The following PCDH9 variants were observed in gnomAD, a reference collection of about 807,000 sequenced individuals.
The protein encoded by PCDH9 is protocadherin 9.
A neutral mutation model predicts 70.6 loss-of-function variants in PCDH9; 24 were observed. That is an observed-to-expected ratio of 0.34 (90% CI 0.25 to 0.48). The LOEUF is 0.48. PCDH9 is among the 20% of genes least tolerant of loss of function. The probability of loss-of-function intolerance (pLI) is 0.99; values close to 1 mark genes in which losing one functional copy is unlikely to be tolerated. For synonymous variants in PCDH9, 562 were observed against 558.5 expected, an observed-to-expected ratio of 1.01 and a Z score of -0.09; for missense variants, 1,281 against 1,503.6, an observed-to-expected ratio of 0.85 and a Z score of 2.45.
chr13:66,625,594 G>GT (rs548549450), intron 4 of PCDH9, among the ~76,000 whole-genome samples: 31 of 148,528 alleles, frequency 2.1e-4, no homozygotes, highest in East Asian at 5.9e-4. Context: ...TATATGTTGG[G>GT]TTTTTTTTTC....
In PCDH9 at chr13:67,228,155, T is replaced by C. The variant is rs2089927005; in HGVS notation, c.286A>G (p.Lys96Glu). 3 of 1,614,098 alleles carry C rather than the reference T, an allele frequency of 1.9e-6. No homozygotes were observed. The highest frequency in any genetic ancestry group is 2.5e-6 in the Non-Finnish European group (3 of 1,179,986). The change falls in exon 2 of 5, where the codon AAA becomes GAA. Residue 96 changes from lysine to glutamate, a missense_variant. Physicochemically the swap from Lys to Glu is moderately conservative, Grantham distance 56 (BLOSUM62 1). Transcript: ENST00000377865. Reference sequence around the variant, plus strand: ...GCATATGAGGCGCCAGCACAGAGTTTTTCTCTGTCTATTCTGTTGGAGGTT... The same window carrying C: ...GCATATGAGGCGCCAGCACAGAGTTCTTCTCTGTCTATTCTGTTGGAGGTT... ...FTTSNRIDREKLCAGASYAEE... is the reference protein window; with the variant it reads ...FTTSNRIDREELCAGASYAEE...
At chr13:66,906,584 C>T (rs1444242915) in intron 2 of PCDH9, among the ~76,000 whole-genome samples, 1 of 152,102 alleles carries the variant, frequency 6.6e-6, no homozygotes, top group Non-Finnish European at 1.5e-5. Flanking sequence ...AGATCTCACC[C>T]CCAAGCCTCT....
chr13:66,621,948 G>A lies in PCDH9; in HGVS notation c.3340+9262C>T, dbSNP rs374531432. Among the ~76,000 whole-genome samples the A allele has an allele frequency of 5.9e-5, 9 of 152,340 alleles. No homozygotes were observed. The South Asian group carries it at 1.0e-3, about 18-fold the overall frequency. ...CCTCAGCTTGCAGGGAGGTGTGGAG[G>A]AAGAAGCGCCAGCGGGAACCGGGGC... On this transcript the variant is annotated intron_variant, in intron 4 of 4. Coordinates refer to ENST00000377865, the MANE Select transcript of PCDH9 (RefSeq NM_203487.3).
chr13:66,488,986 T>G (rs1350764980), intron 4 of PCDH9, among the ~76,000 whole-genome samples: 2 of 152,118 alleles, frequency 1.3e-5, no homozygotes, highest in Non-Finnish European at 2.9e-5. Context: ...CTGAAATATG[T>G]GTTCGTATAC....
chr13:67,058,041 A>C (rs2085457078), intron 2 of PCDH9, among the ~76,000 whole-genome samples: 1 of 152,168 alleles, frequency 6.6e-6, no homozygotes, highest in African/African-American at 2.4e-5. Flanking sequence ...ATAGCTTTAT[A>C]AATTTACAAG....
intron 4 of PCDH9, among the ~76,000 whole-genome samples, chr13:66,546,070 C>T (rs1961184359): frequency 6.6e-6 from 1 of 151,750 alleles, no homozygotes; most frequent in African/African-American, 2.4e-5. Flanking sequence ...GATCTCCTGA[C>T]CTCATGATCC....
At chr13:66,738,387 G>A (rs1211417138) in intron 3 of PCDH9, among the ~76,000 whole-genome samples, 3 of 151,830 alleles carry the variant, frequency 2.0e-5, no homozygotes, top group African/African-American at 4.8e-5. Flanking sequence ...CCACAAAGAT[G>A]GGGAAAAAAC....
chr13:66,492,875 A>C (rs888230244), intron 4 of PCDH9, among the ~76,000 whole-genome samples: 1 of 152,202 alleles, frequency 6.6e-6, no homozygotes, highest in African/African-American at 2.4e-5. Flanking sequence ...AATTAGATAC[A>C]TTGTTACAAA....
At position 67,040,692 on chromosome 13, in the gene PCDH9, A is replaced by AT. The variant is rs547658714; in HGVS notation, c.3037-137088_3037-137087insA. ...TGAATATGACATTTAGGTTAAAAAA[A>AT]ATATATATTGAAATACAGAATGTGG... On this transcript the variant is annotated intron_variant, in intron 2 of 4. Transcript: ENST00000377865. 3.0e-3 allele frequency among the ~76,000 whole-genome samples: 463 copies of AT among 152,270 alleles called. 1 individual carries two copies. Among genetic ancestry groups the AT allele is most frequent in the Non-Finnish European group, 5.2e-3 (355 of 68,030 alleles).
At position 67,227,044 on chromosome 13, in the gene PCDH9, G is replaced by C. The variant is rs528894154; in HGVS notation, c.1397C>G (p.Pro466Arg). 6.2e-7 allele frequency: 1 copy of C among 1,613,978 alleles called. No homozygotes were observed. Among genetic ancestry groups the C allele is most frequent in the Non-Finnish European group, 8.5e-7 (1 of 1,179,982 alleles). The change falls in exon 2 of 5, where the codon CCA (proline) becomes CGA (arginine). Residue 466 changes from proline to arginine, a missense_variant. Pro to Arg is a moderately radical substitution (Grantham distance 103, BLOSUM62 -2). Transcript: ENST00000377865. This position sits in a 1 kb window ranked among gnomAD's most constrained non-coding sequence, Gnocchi z 4.6. ...AATTACAGGCTGGTTGAAAATTGGTGGGTTGTCATTTTCATCCTCAAGCTT... is the reference window on the plus strand; with the variant it reads ...AATTACAGGCTGGTTGAAAATTGGTCGGTTGTCATTTTCATCCTCAAGCTT... Reference protein sequence around the residue: ...RVKLEDENDNPPIFNQPVIEL... With the variant: ...RVKLEDENDNRPIFNQPVIEL...
intron 4 of PCDH9, among the ~76,000 whole-genome samples, chr13:66,603,703 T>C (rs1247449284): frequency 1.3e-5 from 2 of 152,036 alleles, no homozygotes; most frequent in Non-Finnish European, 2.9e-5. Context: ...TTTTAAAGTA[T>C]GGCATGTATC....
At chr13:66,362,712 A>G (rs1307791483) in intron 4 of PCDH9, among the ~76,000 whole-genome samples, 4 of 151,620 alleles carry the variant, frequency 2.6e-5, no homozygotes, top group Non-Finnish European at 4.4e-5. Context: ...CATTAAGGGT[A>G]TGTTTCTGTG....
At chr13:66,812,022 C>A (rs1046883869) in intron 3 of PCDH9, among the ~76,000 whole-genome samples, 3 of 152,014 alleles carry the variant, frequency 2.0e-5, no homozygotes, top group Non-Finnish European at 4.4e-5. Flanking sequence ...ACCCACCACC[C>A]AAACAGTAAA....
intron 2 of PCDH9, among the ~76,000 whole-genome samples, chr13:67,160,904 A>G (rs576821506): frequency 6.6e-6 from 1 of 152,346 alleles, no homozygotes; most frequent in East Asian, 1.9e-4. Flanking sequence ...GAATAGTCAA[A>G]CAACTTTCCT....
chr13:67,102,306 G>A (rs2086450530), intron 2 of PCDH9, among the ~76,000 whole-genome samples: 1 of 151,960 alleles, frequency 6.6e-6, no homozygotes, highest in African/African-American at 2.4e-5. Context: ...CTGTGTTTAT[G>A]GTCTTGCAAT....
chr13:66,653,498 A>G (rs1255710939), intron 3 of PCDH9, among the ~76,000 whole-genome samples: 1 of 152,154 alleles, frequency 6.6e-6, no homozygotes, highest in Non-Finnish European at 1.5e-5. Flanking sequence ...ATTTTTCCAA[A>G]AGACAGGCCA....
At chr13:66,959,280 T>A (rs546189494) in intron 2 of PCDH9, among the ~76,000 whole-genome samples, 1 of 152,296 alleles carries the variant, frequency 6.6e-6, no homozygotes, top group South Asian at 2.1e-4. Flanking sequence ...ATAAGGAAAG[T>A]GTGACTTTAA....
chr13:66,988,993 T>G (rs2083948140), intron 2 of PCDH9, among the ~76,000 whole-genome samples: 1 of 151,938 alleles, frequency 6.6e-6, no homozygotes, highest in South Asian at 2.1e-4. Context: ...GATATTCATG[T>G]TATAGATACT....
chr13:66,445,461 T>TAAAATATATACAC (rs1958056870), intron 4 of PCDH9, among the ~76,000 whole-genome samples: 74 of 142,820 alleles, frequency 5.2e-4, no homozygotes, highest in African/African-American at 1.7e-3. Context: ...TATATACACA[T>TAAAATATATACAC]ATATATAATA....
Sources: allele counts gnomAD v4.1 joint callset (sites outside exome capture counted in the v4.1 genomes callset), GRCh38; gene constraint gnomAD v4.1.1; non-coding constraint Gnocchi (gnomAD v3.1); transcripts MANE v1.5; gene names NCBI Gene and HGNC (gene_info 2026-07-23, HGNC 2026-07-21).